Variants in PIK3CB observed in about 807,000 individuals in gnomAD.
PIK3CB encodes the protein phosphatidylinositol 4,5-bisphosphate 3-kinase catalytic subunit beta isoform.
In PIK3CB, 39 loss-of-function variants were observed where a neutral mutation model predicts 136.8. The observed-to-expected ratio is 0.29, with a 90% CI of 0.22 to 0.37. The LOEUF is 0.37. PIK3CB is among the 10% of genes least tolerant of loss of function. The pLI, the probability that PIK3CB is intolerant of heterozygous loss-of-function variation, is 1.00. For synonymous variants in PIK3CB, 428 were observed against 436.6 expected (o/e 0.98, Z 0.25); for missense variants, 868 against 1,275.4 (o/e 0.68, Z 4.87).
intron 2 of PIK3CB, among the ~76,000 whole-genome samples, chr3:138,775,785 T>C (rs1044373147): frequency 6.6e-6 from 1 of 152,222 alleles, no homozygotes; most frequent in African/African-American, 2.4e-5. Context: ...CTTTATCTGT[T>C]ATGCATTAAC....
chr3:138,685,055 G>A (rs931810415), intron 16 of PIK3CB: 11 of 365,858 alleles, frequency 3.0e-5, no homozygotes, highest in East Asian at 1.7e-4. Context: ...TTACAAATTC[G>A]AGAAAAGCAG....
intron 2 of PIK3CB, among the ~76,000 whole-genome samples, chr3:138,776,321 T>A (rs1475282665): frequency 6.6e-6 from 1 of 152,226 alleles, no homozygotes. Flanking sequence ...CATACCTTTT[T>A]CTTCTGGAAA....
chr3:138,705,162 AAAAAAAAAAAACAAAAAACAAAAC>A (rs1196872692), intron 11 of PIK3CB, among the ~76,000 whole-genome samples: 1 of 99,672 alleles, frequency 1.0e-5, no homozygotes, highest in Non-Finnish European at 2.0e-5. Flanking sequence ...AGGCAAAAAA[AAAAAAAAAAAACAAAAAACAAAAC>A]AAACAAAAAA....
intron 18 of PIK3CB, 31 bp from the exon 19 acceptor site, chr3:138,682,076 T>C (rs1478150511): frequency 7.0e-7 from 1 of 1,434,924 alleles, no homozygotes; most frequent in Admixed American, 1.8e-5. Flanking sequence ...TCATTACAAG[T>C]GCTTTTCCTT....
chr3:138,772,536 C>A (rs1430498141), intron 2 of PIK3CB, among the ~76,000 whole-genome samples: 2 of 151,818 alleles, frequency 1.3e-5, no homozygotes, highest in East Asian at 1.9e-4. Context: ...TGGTTCCCTG[C>A]AGCCTTGACC....
intron 8 of PIK3CB, among the ~76,000 whole-genome samples, chr3:138,725,903 G>C (rs2044825829): frequency 6.6e-6 from 1 of 152,104 alleles, no homozygotes; most frequent in South Asian, 2.1e-4. Context: ...AACTAATTTT[G>C]AATTGTATTC....
chr3:138,706,711 G>GC (rs2044384899), intron 11 of PIK3CB, among the ~76,000 whole-genome samples: 4 of 152,160 alleles, frequency 2.6e-5, no homozygotes, highest in Admixed American at 2.6e-4. Flanking sequence ...AGGCTGGAGT[G>GC]CAATGGCACG....
At chr3:138,817,060 C>T (rs991243409) in intron 1 of PIK3CB, among the ~76,000 whole-genome samples, 6 of 151,834 alleles carry the variant, frequency 4.0e-5, no homozygotes, top group African/African-American at 1.2e-4. Context: ...AAAAAAAGGC[C>T]GGGCGCGGTG....
intron 9 of PIK3CB, among the ~76,000 whole-genome samples, chr3:138,713,152 A>C (rs1246638086): frequency 6.6e-6 from 1 of 151,712 alleles, no homozygotes; most frequent in Non-Finnish European, 1.5e-5. Flanking sequence ...GTGACTTTTT[A>C]GTCATTAAAA....
chr3:138,790,563 G>A (rs1265248820), intron 2 of PIK3CB, among the ~76,000 whole-genome samples: 1 of 151,210 alleles, frequency 6.6e-6, no homozygotes, highest in Non-Finnish European at 1.5e-5. Context: ...CCAGCATTTT[G>A]GGAGGCCGAA....
chr3:138,695,234 A>T (rs887832390), intron 13 of PIK3CB, among the ~76,000 whole-genome samples: 3 of 152,164 alleles, frequency 2.0e-5, no homozygotes, highest in Non-Finnish European at 2.9e-5. Flanking sequence ...AATTTCTCTC[A>T]TTGGATTTTC....
chr3:138,808,550 G>A (rs1425933584), intron 1 of PIK3CB, among the ~76,000 whole-genome samples: 1 of 151,966 alleles, frequency 6.6e-6, no homozygotes, highest in Non-Finnish European at 1.5e-5. Flanking sequence ...GTGTGGGAAT[G>A]CACACCTGTA....
intron 1 of PIK3CB, among the ~76,000 whole-genome samples, chr3:138,830,221 A>AC (rs1051697766): frequency 2.0e-5 from 3 of 151,422 alleles, no homozygotes; most frequent in Non-Finnish European, 4.4e-5. Flanking sequence ...CACCACAACC[A>AC]CCCCCTGCCC....
At chr3:138,821,269 C>A (rs1338894198) in intron 1 of PIK3CB, among the ~76,000 whole-genome samples, 1 of 140,824 alleles carries the variant, frequency 7.1e-6, no homozygotes, top group South Asian at 2.2e-4. Context: ...GGCGACAGAA[C>A]GAGACTCCGT....
chr3:138,759,412 C>T (rs1398121115), intron 2 of PIK3CB, 53 bp from the exon 3 acceptor site: 4 of 1,260,600 alleles, frequency 3.2e-6, no homozygotes, highest in Non-Finnish European at 4.5e-6. Flanking sequence ...AAATTTTATA[C>T]CAAGATATGA....
chr3:138,831,736 C>T (rs1204921943), intron 1 of PIK3CB, among the ~76,000 whole-genome samples: 1 of 152,106 alleles, frequency 6.6e-6, no homozygotes. Flanking sequence ...ACCATCCTGG[C>T]CAATATGGTG....
chr3:138,656,373 A>C, intron 22 of PIK3CB, 99 bp from the exon 23 acceptor site: 2 of 1,265,380 alleles, frequency 1.6e-6, no homozygotes, highest in Non-Finnish European at 2.2e-6. Flanking sequence ...TTTCTATTAG[A>C]ATAAGAAAAT....
intron 19 of PIK3CB, among the ~76,000 whole-genome samples, chr3:138,677,135 C>T (rs886688780): frequency 6.6e-6 from 1 of 151,628 alleles, no homozygotes; most frequent in African/African-American, 2.4e-5. Context: ...TCTCCGCTCA[C>T]TGCAACCTCC....
chr3:138,761,258 G>T (rs1299671430), intron 2 of PIK3CB, among the ~76,000 whole-genome samples: 1 of 152,178 alleles, frequency 6.6e-6, no homozygotes, highest in African/African-American at 2.4e-5. Context: ...TCTGATCTAT[G>T]TGCTAGTTTA....
Sources: allele counts gnomAD v4.1 joint callset (sites outside exome capture counted in the v4.1 genomes callset), GRCh38; gene constraint gnomAD v4.1.1; transcripts MANE v1.5; gene names NCBI Gene and HGNC (gene_info 2026-07-23, HGNC 2026-07-21).